CFAP100: variants seen among roughly 807,000 people sequenced by gnomAD.
CFAP100 encodes the protein cilia- and flagella-associated protein 100.
A neutral mutation model predicts 81.5 loss-of-function variants in CFAP100; 70 were observed. The observed-to-expected ratio is 0.86, with a 90% CI of 0.71 to 1.05. CFAP100 has a LOEUF of 1.05. Among genes scored for constraint, CFAP100 ranks in the 50% least tolerant of loss-of-function variants. The pLI is 0.00. For synonymous variants in CFAP100, 341 were observed against 314.8 expected (o/e 1.08, Z -0.88); for missense variants, 811 against 776.5 (o/e 1.04, Z -0.53).
At chr3:126,420,791 C>G (rs1160978960) in intron 11 of CFAP100, 1 of 153,362 alleles carries the variant, frequency 6.5e-6, no homozygotes, top group Non-Finnish European at 1.5e-5. Context: ...GTGAGGTGGT[C>G]TCATATGGTT....
At chr3:126,435,476 G>A (rs3817525) in intron 15 of CFAP100, 83 bp from the exon 16 acceptor site, 15,899 of 1,151,194 alleles carry the variant, frequency 0.014, 722 homozygotes, top group South Asian at 0.12. Context: ...GGGAGGACAC[G>A]GCCTGGCCTG....
At chr3:126,401,757 G>A (rs13059320) in intron 2 of CFAP100, among the ~76,000 whole-genome samples, 37,014 of 151,718 alleles carry the variant, frequency 0.24, 4,986 homozygotes, top group East Asian at 0.4. Flanking sequence ...ACCTGTGAGT[G>A]GGAAGGAGAC....
At chr3:126,411,141 T>C (rs1244288331) in intron 3 of CFAP100, among the ~76,000 whole-genome samples, 1 of 152,250 alleles carries the variant, frequency 6.6e-6, no homozygotes, top group African/African-American at 2.4e-5. Flanking sequence ...TCTTTTGATA[T>C]GATCATATGG....
chr3:126,419,045 C>CCAA, intron 7 of CFAP100, 31 bp from the exon 8 acceptor site: 6 of 858,114 alleles, frequency 7.0e-6, no homozygotes, highest in Non-Finnish European at 1.1e-5. Context: ...CCCTTGCCCC[C>CCAA]ATCCCTCCTC....
chr3:126,418,730 G>A lies in CFAP100; in HGVS notation c.606G>A (p.Glu202=). The change falls in exon 7 of 17, where the codon GAG becomes GAA. Residue 202 remains glutamate (E), a synonymous_variant. Transcript: ENST00000352312. The part of the protein sequence containing the change: ...SLEKDAALFD[E]FVRENDCSSV... ...AGAAGGACGCCGCCTTGTTCGACGA[G>A]TTCGTCAGGGAGAATGACTGCAGCT... The A allele has an allele frequency of 6.3e-7, 1 of 1,597,230 alleles. No individual in the cohort carries two copies. The highest frequency in any genetic ancestry group is 2.3e-5 in the East Asian group (1 of 44,268).
intron 2 of CFAP100, among the ~76,000 whole-genome samples, chr3:126,397,061 A>G (rs2082901593): frequency 6.6e-6 from 1 of 152,172 alleles, no homozygotes; most frequent in South Asian, 2.1e-4. Flanking sequence ...ATGTGTGTAG[A>G]TGAGGTTTGT....
At position 126,436,162 on chromosome 3, in the gene CFAP100, C is replaced by G. The variant is rs73859271; in HGVS notation, c.1723-129C>G. On this transcript the variant is annotated intron_variant, in intron 16 of 16. Coordinates refer to ENST00000352312, the MANE Select transcript of CFAP100 (RefSeq NM_182628.3). The stretch of plus-strand genomic sequence containing the variant: ...TTTCAGAGTTAACTCCAGCCCTCAG[C>G]CTGCAGGGCTGACCAGAGTGGCCTG... 4,078 of 638,786 alleles carry G rather than the reference C, an allele frequency of 6.4e-3. 121 individuals are homozygous for G. The African/African-American group carries it at 0.068, about 11-fold the overall frequency. The allele number at this position is 638,786 out of a possible 1,614,324, so 39.6% of individuals were successfully genotyped here.
chr3:126,397,621 A>G (rs1225627591), intron 2 of CFAP100, among the ~76,000 whole-genome samples: 2 of 152,214 alleles, frequency 1.3e-5, no homozygotes, highest in African/African-American at 2.4e-5. Context: ...CATTTGTGAG[A>G]AAACCAGGCC....
Position 126,419,157 on chromosome 3 carries a change from G to T in CFAP100, c.731+1G>T. On this transcript the variant is annotated splice_donor_variant, in intron 8 of 16. Transcript: ENST00000352312. LOFTEE classifies it high-confidence loss of function. ...CCACCCAGATTGTTAATATCAAAAG[G>T]TGAGGTCAGAGGGCATGCTGGCCAT... 6.4e-7 allele frequency: 1 copy of T among 1,558,066 alleles called. No individual in the cohort carries two copies. Among genetic ancestry groups the T allele is most frequent in the Non-Finnish European group, 8.7e-7 (1 of 1,149,734 alleles).
At chr3:126,424,570 C>G (rs970897486) in intron 13 of CFAP100, among the ~76,000 whole-genome samples, 63 of 152,240 alleles carry the variant, frequency 4.1e-4, no homozygotes, top group African/African-American at 1.5e-3. Context: ...GAGGCATGTC[C>G]AGAGCAGGGA....
chr3:126,430,973 G>C (rs1933198108), intron 13 of CFAP100, among the ~76,000 whole-genome samples: 1 of 152,088 alleles, frequency 6.6e-6, no homozygotes, highest in Admixed American at 6.6e-5. Flanking sequence ...ATGTTTCCCT[G>C]ATTTTTCATG....
At chr3:126,422,263 G>A (rs553887569) in intron 11 of CFAP100, among the ~76,000 whole-genome samples, 136 of 152,356 alleles carry the variant, frequency 8.9e-4, no homozygotes, top group Non-Finnish European at 1.5e-3. Context: ...CGCCCTGCAG[G>A]CAGCCGGCTC....
intron 2 of CFAP100, among the ~76,000 whole-genome samples, chr3:126,396,312 A>G (rs2082888402): frequency 6.6e-6 from 1 of 152,164 alleles, no homozygotes; most frequent in Non-Finnish European, 1.5e-5. Flanking sequence ...CCAAAAGGCT[A>G]GGTCCCTCCA....
intron 2 of CFAP100, among the ~76,000 whole-genome samples, chr3:126,399,842 T>C (rs1052484713): frequency 6.6e-6 from 1 of 152,202 alleles, no homozygotes; most frequent in Non-Finnish European, 1.5e-5. Flanking sequence ...GCCTCCAGCC[T>C]GCAGCAGGCA....
intron 11 of CFAP100, chr3:126,420,803 T>G (rs923983352): frequency 1.3e-5 from 2 of 153,006 alleles, no homozygotes; most frequent in African/African-American, 4.8e-5. Context: ...CATATGGTTA[T>G]CAGGACATTT....
At chr3:126,395,875 G>T in intron 1 of CFAP100, 67 bp from the exon 2 acceptor site, 1 of 785,424 alleles carries the variant, frequency 1.3e-6, no homozygotes, top group South Asian at 1.6e-5. Flanking sequence ...GTGGCTGTCA[G>T]CCACCCAGGG....
intron 2 of CFAP100, among the ~76,000 whole-genome samples, chr3:126,401,441 A>G (rs2082980651): frequency 4.8e-5 from 6 of 125,960 alleles, no homozygotes; most frequent in Admixed American, 4.1e-4. Flanking sequence ...ATATATATAT[A>G]TAGTATTATG....
intron 2 of CFAP100, among the ~76,000 whole-genome samples, chr3:126,406,225 C>T (rs1019532882): frequency 1.3e-5 from 2 of 152,166 alleles, no homozygotes; most frequent in Non-Finnish European, 2.9e-5. Context: ...CTGGCCTTCC[C>T]GCCTGTCCCA....
At position 126,396,058 on chromosome 3, in the gene CFAP100, C is replaced by T. The variant is rs192019551; in HGVS notation, c.49+9C>T. ...GAACATGACCAATGACAGTAAGTAC[C>T]GGGCCAGGGTGGGCACTCTCAGAGG... On this transcript the variant is annotated intron_variant, in intron 2 of 16. Coordinates refer to ENST00000352312, the MANE Select transcript of CFAP100 (RefSeq NM_182628.3). 364 of 1,612,658 alleles carry T rather than the reference C, an allele frequency of 2.3e-4. No homozygotes were observed. The East Asian group carries it at 5.5e-3, about 24-fold the overall frequency.
Sources: gnomAD v4.1 joint callset for allele counts (sites outside exome capture counted in the v4.1 genomes callset) on GRCh38, gnomAD v4.1.1 for gene constraint, MANE v1.5 for transcripts, NCBI Gene and HGNC (gene_info 2026-07-23, HGNC 2026-07-21) for gene names.